The following AGGF1 variants were observed in gnomAD, a reference collection of about 807,000 sequenced individuals.
AGGF1 encodes angiogenic factor with G-patch and FHA domains 1.
AGGF1 carries 56 observed loss-of-function variants against 86.5 expected under a neutral mutation model. The observed-to-expected ratio is 0.65, with a 90% CI of 0.52 to 0.81. The LOEUF is 0.81. Ranked by LOEUF, AGGF1 falls within the 30% of genes least tolerant of loss-of-function variation. AGGF1 has a pLI of 0.00. For missense variants in AGGF1, 816 were observed against 850.9 expected (o/e 0.96, Z 0.51); for synonymous variants, 313 against 297.1 (o/e 1.05, Z -0.55).
Position 77,030,592 on chromosome 5 carries a change from C to T in AGGF1, c.-175C>T, listed in dbSNP as rs1010519207. On this transcript the variant is annotated 5_prime_UTR_variant, in exon 1 of 14. Coordinates refer to ENST00000312916, the MANE Select transcript of AGGF1 (RefSeq NM_018046.5). ...CGGTCCCCTTGCTCGTTGCTCGCAG[C>T]CCCGTTCGGCTACAAGTGAGTTTCA... 6.4e-6 allele frequency: 5 copies of T among 775,528 alleles called. No individual in the cohort carries two copies. Among genetic ancestry groups the T allele is most frequent in the Non-Finnish European group, 1.1e-5 (5 of 454,154 alleles). 48.0% of individuals were successfully genotyped at this position (775,528 alleles called of 1,614,324 possible).
intron 6 of AGGF1, 121 bp downstream of exon 6, chr5:77,046,798 T>A: frequency 9.9e-7 from 1 of 1,015,008 alleles, no homozygotes; most frequent in East Asian, 2.6e-5. Flanking sequence ...ATTTTAATGA[T>A]GTTATTGAAA....
chr5:77,031,487 G>A (rs72765103), intron 1 of AGGF1, among the ~76,000 whole-genome samples: 23,775 of 152,130 alleles, frequency 0.16, 2,553 homozygotes, highest in Non-Finnish European at 0.21. Context: ...TATCATCTTC[G>A]GCTTTCTTGT....
chr5:77,057,570 A>G (rs1020711967), intron 11 of AGGF1, among the ~76,000 whole-genome samples: 1 of 152,234 alleles, frequency 6.6e-6, no homozygotes, highest in Non-Finnish European at 1.5e-5. Flanking sequence ...GTGAGACGGA[A>G]CACACTCTCA....
intron 5 of AGGF1, among the ~76,000 whole-genome samples, chr5:77,043,172 C>CG (rs1346421305): frequency 2.0e-4 from 11 of 53,822 alleles, no homozygotes; most frequent in Non-Finnish European, 2.8e-4. Context: ...GGCGGCTGGC[C>CG]GGGCGGGGGG....
At chr5:77,035,899 C>A in intron 3 of AGGF1, 156 bp downstream of exon 3, 1 of 723,188 alleles carries the variant, frequency 1.4e-6, no homozygotes, top group Non-Finnish European at 2.3e-6. Context: ...TGTAGTTTTT[C>A]CAAAACCAGA....
intron 1 of AGGF1, among the ~76,000 whole-genome samples, chr5:77,033,190 A>G (rs1438028125): frequency 6.6e-6 from 1 of 152,182 alleles, no homozygotes; most frequent in Non-Finnish European, 1.5e-5. Context: ...TGTCATTCCA[A>G]ATTACTGAAT....
intron 12 of AGGF1, 50 bp from the exon 13 acceptor site, chr5:77,061,653 G>T: frequency 6.6e-7 from 1 of 1,509,886 alleles, no homozygotes; most frequent in South Asian, 1.1e-5. Context: ...TTATAAATGT[G>T]ACCTAAAAGA....
Position 77,048,034 on chromosome 5 carries a change from T to C in AGGF1, c.1202-127T>C, listed in dbSNP as rs568758179. ...GTATTATACAGCAGAATTTAAGAAGTTTGTTTTAGTCAGAATTAAGATTTT... is the reference window on the plus strand; with the variant it reads ...GTATTATACAGCAGAATTTAAGAAGCTTGTTTTAGTCAGAATTAAGATTTT... On this transcript the variant is annotated intron_variant, in intron 6 of 13. Transcript: ENST00000312916. The C allele has an allele frequency of 1.3e-5, 9 of 714,098 alleles. No individual in the cohort carries two copies. The African/African-American group carries it at 1.6e-4, about 13-fold the overall frequency. 44.2% of individuals were successfully genotyped at this position (714,098 alleles called of 1,614,324 possible). A position where few individuals can be genotyped will look rare whatever the true frequency, so the allele number is the denominator to read the frequency against.
chr5:77,040,450 A>G (rs1173171819), intron 5 of AGGF1, among the ~76,000 whole-genome samples: 1 of 152,002 alleles, frequency 6.6e-6, no homozygotes, highest in Non-Finnish European at 1.5e-5. Context: ...ATTGCTGACA[A>G]CTGTGGAGTG....
intron 11 of AGGF1, among the ~76,000 whole-genome samples, chr5:77,057,261 A>G (rs1444155356): frequency 6.6e-6 from 1 of 152,254 alleles, no homozygotes; most frequent in Non-Finnish European, 1.5e-5. Context: ...TACCCAAGGT[A>G]AATGCAACCA....
At chr5:77,032,810 G>A (rs753062491) in intron 1 of AGGF1, among the ~76,000 whole-genome samples, 5 of 152,116 alleles carry the variant, frequency 3.3e-5, no homozygotes, top group Non-Finnish European at 7.4e-5. Flanking sequence ...TTACAGAAAA[G>A]AATGTTTTTA....
At chr5:77,048,876 C>A in intron 7 of AGGF1, 60 bp from the exon 8 acceptor site, 1 of 1,490,890 alleles carries the variant, frequency 6.7e-7, no homozygotes, top group Non-Finnish European at 9.3e-7. Context: ...AAATTCTTTC[C>A]ATGTCACTTT....
At position 77,059,620 on chromosome 5, in the gene AGGF1, C is replaced by T. The variant is rs755713314; in HGVS notation, c.1721C>T (p.Thr574Ile). The change falls in exon 12 of 14, where the codon ACA (threonine) becomes ATA (isoleucine). Residue 574 changes from threonine (T) to isoleucine (I), a missense_variant. Coordinates refer to ENST00000312916, the MANE Select transcript of AGGF1 (RefSeq NM_018046.5). Reference sequence around the variant, plus strand: ...GAATATTTTGTGTTTATTAAGAATACAGAATACGAAGATGAAAAGACATTG... The same window carrying T: ...GAATATTTTGTGTTTATTAAGAATATAGAATACGAAGATGAAAAGACATTG... ...KIRVKYGLQN[T>I]EYEDEKTLKN... The T allele has an allele frequency of 4.4e-6, 7 of 1,602,890 alleles. No homozygotes were observed. Among genetic ancestry groups the T allele is most frequent in the Non-Finnish European group, 5.1e-6 (6 of 1,171,034 alleles).
rs146085600 is a variant in AGGF1 at position 77,045,417 on chromosome 5, C to A, written c.871-930C>A. Among the ~76,000 whole-genome samples the A allele has an allele frequency of 4.5e-3, 690 of 152,206 alleles. 5 individuals are homozygous for A. The highest frequency in any genetic ancestry group is 0.015 in the African/African-American group (641 of 41,550). On this transcript the variant is annotated intron_variant, in intron 5 of 13. Transcript: ENST00000312916. ...ACATTGTGTACGTATTTCAAAACTT[C>A]ATGTTGTACATGATAAAAATACATC...
chr5:77,048,212 CTG>C lies in AGGF1; in HGVS notation c.1257_1258del (p.Leu420AlafsTer30). 3.1e-6 allele frequency: 5 copies of C among 1,613,786 alleles called. No homozygotes were observed. The highest frequency in any genetic ancestry group is 4.2e-6 in the Non-Finnish European group (5 of 1,179,826). On this transcript the variant is annotated frameshift_variant, in exon 7 of 14. Coordinates refer to ENST00000312916, the MANE Select transcript of AGGF1 (RefSeq NM_018046.5). LOFTEE classifies it high-confidence loss of function. Reference sequence around the variant, plus strand: ...ATTAGAGTAATTGTCATTAGATCACCTGTGTTGCAGATAGGATCACTCTTTAT... The same window carrying C: ...ATTAGAGTAATTGTCATTAGATCACCTGTTGCAGATAGGATCACTCTTTAT...
chr5:77,036,770 C>T, intron 4 of AGGF1, 50 bp downstream of exon 4: 1 of 1,593,558 alleles, frequency 6.3e-7, no homozygotes, highest in East Asian at 2.2e-5. Context: ...GACAGTCTCC[C>T]TCTGTCACCC....
chr5:77,053,245 G>C (rs1314850710), intron 9 of AGGF1, among the ~76,000 whole-genome samples: 1 of 152,218 alleles, frequency 6.6e-6, no homozygotes, highest in African/African-American at 2.4e-5. Flanking sequence ...GGCTGGGCGT[G>C]TTGGTTCTGA....
intron 8 of AGGF1, among the ~76,000 whole-genome samples, chr5:77,051,476 A>T (rs780614227): frequency 6.6e-5 from 10 of 152,092 alleles, no homozygotes; most frequent in Non-Finnish European, 1.2e-4. Flanking sequence ...AGGAAATGCA[A>T]GTTAAAATCA....
Position 77,046,528 on chromosome 5 carries a change from C to G in AGGF1, c.1052C>G (p.Ser351Cys), listed in dbSNP as rs1162048187. 6.2e-7 allele frequency: 1 copy of G among 1,613,990 alleles called. No individual in the cohort carries two copies. The highest frequency in any genetic ancestry group is 8.5e-7 in the Non-Finnish European group (1 of 1,179,938). ...GAGTCTCCTCTTCATGAAAACATCTCTAATTCAACATCATTTAAAGATGAG... is the reference window on the plus strand; with the variant it reads ...GAGTCTCCTCTTCATGAAAACATCTGTAATTCAACATCATTTAAAGATGAG... ...TIESPLHENI[S>C]NSTSFKDEKI... is the part of the protein sequence containing the mutation. The change falls in exon 6 of 14, where the codon TCT becomes TGT. Residue 351 changes from serine to cysteine, a missense_variant. Ser to Cys is a moderately radical substitution (Grantham distance 112). Coordinates refer to ENST00000312916, the MANE Select transcript of AGGF1 (RefSeq NM_018046.5).
Sources: gnomAD v4.1 joint callset for allele counts (sites outside exome capture counted in the v4.1 genomes callset) on GRCh38, gnomAD v4.1.1 for gene constraint, MANE v1.5 for transcripts, NCBI Gene and HGNC (gene_info 2026-07-23, HGNC 2026-07-21) for gene names.